The following MLLT10 variants were observed in gnomAD, a reference collection of about 807,000 sequenced individuals.
MLLT10 encodes the protein MLLT10 histone lysine methyltransferase DOT1L cofactor.
In MLLT10, 30 loss-of-function variants were observed where a neutral mutation model predicts 129.1. The observed-to-expected ratio is 0.23, with a 90% CI of 0.17 to 0.32. The LOEUF is 0.32. Ranked by LOEUF, MLLT10 falls within the 10% of genes least tolerant of loss-of-function variation. The pLI is 1.00. For synonymous variants in MLLT10, 490 were observed against 446.4 expected, an observed-to-expected ratio of 1.10 and a Z score of -1.23; for missense variants, 1,119 against 1,268.3, an observed-to-expected ratio of 0.88 and a Z score of 1.79.
At chr10:21,741,788 T>C in intron 22 of MLLT10, 151 bp from the exon 23 acceptor site, 1 of 642,388 alleles carries the variant, frequency 1.6e-6, no homozygotes, top group Non-Finnish European at 2.6e-6. Context: ...AATTCATGTC[T>C]ATATATTACG....
intron 8 of MLLT10, among the ~76,000 whole-genome samples, chr10:21,617,537 G>T (rs550537683): frequency 6.6e-6 from 1 of 152,064 alleles, no homozygotes; most frequent in South Asian, 2.1e-4. Context: ...TGATTTCTTC[G>T]CCTGTAAGTA....
intron 14 of MLLT10, among the ~76,000 whole-genome samples, chr10:21,725,669 C>T (rs961458466): frequency 7.1e-6 from 1 of 140,816 alleles, no homozygotes; most frequent in African/African-American, 2.7e-5. Flanking sequence ...TGCAGTGAGC[C>T]GAGAACGCGC....
At chr10:21,597,520 C>T (rs534550939) in intron 5 of MLLT10, among the ~76,000 whole-genome samples, 9 of 152,166 alleles carry the variant, frequency 5.9e-5, no homozygotes, top group African/African-American at 2.2e-4. Context: ...CAGGTGTACA[C>T]CACCACATCC....
At chr10:21,622,019 C>G (rs964924170) in intron 8 of MLLT10, among the ~76,000 whole-genome samples, 4 of 152,006 alleles carry the variant, frequency 2.6e-5, no homozygotes, top group Admixed American at 2.6e-4. Flanking sequence ...TTCAGAGAAG[C>G]TCTGTGTGAT....
intron 9 of MLLT10, chr10:21,669,145 T>A (rs765072345): frequency 2.0e-4 from 237 of 1,163,996 alleles, no homozygotes; most frequent in Non-Finnish European, 2.5e-4. Context: ...CGTTTGTTCT[T>A]GTTTGTGGAT....
chr10:21,557,512 TAATATC>T (rs1186543780), intron 3 of MLLT10: 1 of 153,976 alleles, frequency 6.5e-6, no homozygotes, highest in Non-Finnish European at 1.4e-5. Flanking sequence ...TCAGCTATAT[TAATATC>T]ATTATTAGTA....
rs548044999 is a variant in MLLT10 at position 21,554,926 on chromosome 10, A to G, written c.240+16014A>G. On this transcript the variant is annotated intron_variant, in intron 3 of 22. Coordinates refer to ENST00000307729, the MANE Select transcript of MLLT10 (RefSeq NM_001195626.3). The stretch of plus-strand genomic sequence containing the variant: ...AACCCCTACCACCCGGGTTCAAGCA[A>G]TTCTCAGGCCTCAGCCTCCCGAGTA... Among the ~76,000 whole-genome samples, 6 of 151,368 alleles carry G rather than the reference A, an allele frequency of 4.0e-5. No individual in the cohort carries two copies. The South Asian group carries it at 1.0e-3, about 26-fold the overall frequency.
intron 16 of MLLT10, 150 bp downstream of exon 16, chr10:21,728,078 A>G: frequency 1.7e-6 from 1 of 581,598 alleles, no homozygotes; most frequent in Non-Finnish European, 3.0e-6. Flanking sequence ...AATGATTCTA[A>G]ATTAATTTAA....
chr10:21,729,109 T>TA (rs1380908386), intron 16 of MLLT10, among the ~76,000 whole-genome samples: 1 of 152,110 alleles, frequency 6.6e-6, no homozygotes, highest in Non-Finnish European at 1.5e-5. Flanking sequence ...GAAAATCAAA[T>TA]ATCCATTCTT....
At chr10:21,698,715 TC>T (rs1305947348) in intron 13 of MLLT10, among the ~76,000 whole-genome samples, 3 of 152,238 alleles carry the variant, frequency 2.0e-5, no homozygotes, top group South Asian at 2.1e-4. Context: ...TTTATTTTTC[TC>T]CACATCCTCA....
At chr10:21,716,250 ACT>A (rs1308804019) in intron 14 of MLLT10, among the ~76,000 whole-genome samples, 1 of 152,036 alleles carries the variant, frequency 6.6e-6, no homozygotes, top group Admixed American at 6.5e-5. Flanking sequence ...TTCCTGTTTC[ACT>A]CTCATATAGA....
At position 21,682,175 on chromosome 10, in the gene MLLT10, T is replaced by C. The variant is rs1192041342; in HGVS notation, c.1667-50T>C. The C allele has an allele frequency of 2.6e-5, 40 of 1,523,472 alleles. No homozygotes were observed. The Admixed American group carries it at 7.3e-4, about 28-fold the overall frequency. 94.4% of individuals were successfully genotyped at this position (1,523,472 alleles called of 1,614,324 possible). A position where few individuals can be genotyped will look rare whatever the true frequency, so the allele number is the denominator to read the frequency against. On this transcript the variant is annotated intron_variant, in intron 12 of 22. Transcript: ENST00000307729. ...AGTGTATGGCTATGTATTTCTTTTG[T>C]GTGTTTGAGAATGATCTTAACCTGA...
At chr10:21,586,900 T>C (rs1441878853) in intron 4 of MLLT10, among the ~76,000 whole-genome samples, 1 of 151,772 alleles carries the variant, frequency 6.6e-6, no homozygotes, top group East Asian at 1.9e-4. Flanking sequence ...AAAAAAAGTA[T>C]TTTTTTTAAA....
chr10:21,560,252 G>A (rs529917162), intron 3 of MLLT10, among the ~76,000 whole-genome samples: 3 of 152,202 alleles, frequency 2.0e-5, no homozygotes, highest in African/African-American at 4.8e-5. Flanking sequence ...TGATCTGCCC[G>A]GGCTGGGCCT....
intron 20 of MLLT10, 71 bp downstream of exon 20, chr10:21,734,200 G>C (rs1223910266): frequency 2.0e-6 from 3 of 1,501,056 alleles, no homozygotes; most frequent in East Asian, 4.5e-5. Context: ...CCTTAGATTG[G>C]GGCTTTCAAT....
rs1833910147 is a variant in MLLT10 at position 21,743,398 on chromosome 10, GTA to G, written c.*1416_*1417del. The G allele has an allele frequency of 4.9e-6, 1 of 203,288 alleles. No homozygotes were observed. Among genetic ancestry groups the G allele is most frequent in the African/African-American group, 2.3e-5 (1 of 43,650 alleles). The allele number at this position is 203,288 out of a possible 1,614,324, so 12.6% of individuals were successfully genotyped here. ...TCTAATTGGTAGATTTAATTGAAAAGTAAAATTAATTTATTTTTATATGTTCA... is the reference window on the plus strand; with the variant it reads ...TCTAATTGGTAGATTTAATTGAAAAGAAATTAATTTATTTTTATATGTTCA... On this transcript the variant is annotated 3_prime_UTR_variant, in exon 23 of 23. Transcript: ENST00000307729.
intron 3 of MLLT10, chr10:21,541,510 C>T (rs1020102195): frequency 1.3e-5 from 2 of 152,270 alleles, no homozygotes; most frequent in East Asian, 3.9e-4. Flanking sequence ...CTCAGTCTCC[C>T]ATGTATCTGG....
chr10:21,669,278 G>A (rs1157850224), intron 9 of MLLT10, among the ~76,000 whole-genome samples: 2 of 152,100 alleles, frequency 1.3e-5, no homozygotes, highest in African/African-American at 4.8e-5. Context: ...TGACAGAAAA[G>A]CAGCAAGATT....
At position 21,670,446 on chromosome 10, in the gene MLLT10, T is replaced by G; in HGVS notation, c.796-3T>G. ...TCCTTCCCTTTTTGAATCAAAATGT[T>G]AGACTTATACAAGCACTAGCAACAA... On this transcript the variant is annotated splice_polypyrimidine_tract_variant and splice_region_variant and intron_variant, in intron 9 of 22. Coordinates refer to ENST00000307729, the MANE Select transcript of MLLT10 (RefSeq NM_001195626.3). 1 of 1,600,086 alleles carries G rather than the reference T, an allele frequency of 6.2e-7. No homozygotes were observed. The highest frequency in any genetic ancestry group is 8.5e-7 in the Non-Finnish European group (1 of 1,174,610).
Sources: allele counts gnomAD v4.1 joint callset (sites outside exome capture counted in the v4.1 genomes callset), GRCh38; gene constraint gnomAD v4.1.1; transcripts MANE v1.5; gene names NCBI Gene and HGNC (gene_info 2026-07-23, HGNC 2026-07-21).